RGL1: variants seen among roughly 807,000 people sequenced by gnomAD.
The protein encoded by RGL1 is ral guanine nucleotide dissociation stimulator like 1.
RGL1 carries 24 observed loss-of-function variants against 95.2 expected under a neutral mutation model. The ratio of observed to expected loss-of-function variants is 0.25; its 90% CI spans 0.18 to 0.35. RGL1 has a LOEUF of 0.35. Ranked by LOEUF, RGL1 falls within the 10% of genes least tolerant of loss-of-function variation. The pLI is 1.00. For synonymous variants in RGL1, 329 were observed against 344.9 expected (o/e 0.95, Z 0.51); for missense variants, 715 against 936.3 (o/e 0.76, Z 3.08).
At chr1:183,728,398 T>C (rs1656431408) in intron 1 of RGL1, among the ~76,000 whole-genome samples, 1 of 152,134 alleles carries the variant, frequency 6.6e-6, no homozygotes, top group South Asian at 2.1e-4. Context: ...TATATACATA[T>C]ATAGTTGGTT....
chr1:183,918,122 G>A (rs1669095174), intron 16 of RGL1, among the ~76,000 whole-genome samples: 3 of 152,194 alleles, frequency 2.0e-5, no homozygotes, highest in African/African-American at 7.2e-5. Context: ...TGTGAGATAT[G>A]AACTACCAGA....
At position 183,658,275 on chromosome 1, in the gene RGL1, G is replaced by A. The variant is rs911423813; in HGVS notation, c.-33+21774G>A. On this transcript the variant is annotated intron_variant, in intron 1 of 18. Transcript: ENST00000304685. The stretch of plus-strand genomic sequence containing the variant: ...CGAGGCATTGCCTCACTCGGGAAGC[G>A]CAAGGGGTCAGGGAGTTCCCTTTCC... 5.9e-5 allele frequency among the ~76,000 whole-genome samples: 9 copies of A among 152,212 alleles called. No homozygotes were observed. The East Asian group carries it at 7.7e-4, about 13-fold the overall frequency.
At chr1:183,744,211 C>A (rs1437039406) in intron 2 of RGL1, among the ~76,000 whole-genome samples, 6 of 152,140 alleles carry the variant, frequency 3.9e-5, no homozygotes, top group Admixed American at 1.3e-4. Context: ...CACATTATGA[C>A]AATTCCAATC....
At chr1:183,878,180 C>CTATT (rs1239009895) in intron 4 of RGL1, among the ~76,000 whole-genome samples, 3 of 151,926 alleles carry the variant, frequency 2.0e-5, no homozygotes, top group African/African-American at 4.8e-5. Context: ...ATCTATCTAT[C>CTATT]TATCTATCTA....
chr1:183,746,390 G>A (rs2182594), intron 2 of RGL1, among the ~76,000 whole-genome samples: 69,208 of 151,602 alleles, frequency 0.46, 16,889 homozygotes, highest in East Asian at 0.8. Context: ...ATATTTATAT[G>A]TATGGTGTCT....
chr1:183,665,505 C>T (rs191324013), intron 1 of RGL1, among the ~76,000 whole-genome samples: 47 of 152,272 alleles, frequency 3.1e-4, no homozygotes, highest in African/African-American at 1.1e-3. Context: ...GTGAACCTAT[C>T]TGTGCCTGGT....
At chr1:183,877,061 AG>A (rs916731215) in intron 4 of RGL1, among the ~76,000 whole-genome samples, 1 of 152,158 alleles carries the variant, frequency 6.6e-6, no homozygotes, top group African/African-American at 2.4e-5. Flanking sequence ...TTCCCCAGAG[AG>A]GGGGGTCAGT....
chr1:183,861,169 A>G (rs1303165539), intron 3 of RGL1, among the ~76,000 whole-genome samples: 1 of 152,182 alleles, frequency 6.6e-6, no homozygotes, highest in Non-Finnish European at 1.5e-5. Context: ...AGTACCTGGC[A>G]TATAGTAAGT....
chr1:183,813,909 C>T (rs1661898321), intron 2 of RGL1, among the ~76,000 whole-genome samples: 1 of 152,170 alleles, frequency 6.6e-6, no homozygotes, highest in African/African-American at 2.4e-5. Flanking sequence ...CACACACAGC[C>T]TATATATTAA....
intron 1 of RGL1, among the ~76,000 whole-genome samples, chr1:183,701,758 G>T (rs1654609305): frequency 6.6e-6 from 1 of 152,018 alleles, no homozygotes; most frequent in African/African-American, 2.4e-5. Context: ...CCAATGTGGT[G>T]AAACCCCATC....
intron 15 of RGL1, among the ~76,000 whole-genome samples, chr1:183,913,807 A>G (rs1258519021): frequency 6.6e-6 from 1 of 152,268 alleles, no homozygotes; most frequent in East Asian, 1.9e-4. Flanking sequence ...ATCCAGGAAA[A>G]GCATCATATT....
chr1:183,861,909 A>G (rs1665532605), intron 3 of RGL1, among the ~76,000 whole-genome samples: 1 of 152,248 alleles, frequency 6.6e-6, no homozygotes, highest in African/African-American at 2.4e-5. Context: ...GAGAGGGTCC[A>G]GGAAAACATC....
chr1:183,899,315 C>T lies in RGL1; in HGVS notation c.1231-835C>T, dbSNP rs112483593. On this transcript the variant is annotated intron_variant, in intron 10 of 17. Coordinates refer to ENST00000360851, the MANE Select transcript of RGL1 (RefSeq NM_001297671.3). ...TTCTTATCTGTTCCAGGACCCAATC[C>T]GGCATACCAACTGCATTTTGTTGTC... is the stretch of plus-strand genomic sequence containing the variant. Among the ~76,000 whole-genome samples the T allele has an allele frequency of 2.0e-3, 309 of 152,308 alleles. 3 individuals are homozygous for T. Among genetic ancestry groups the T allele is most frequent in the African/African-American group, 6.9e-3 (288 of 41,562 alleles).
intron 2 of RGL1, chr1:183,755,060 T>C (rs990165919): frequency 7.2e-5 from 11 of 152,128 alleles, no homozygotes. Flanking sequence ...TTTAGTCCAC[T>C]GTACTGCTGG....
At chr1:183,678,218 G>A (rs969723522) in intron 1 of RGL1, among the ~76,000 whole-genome samples, 1 of 152,060 alleles carries the variant, frequency 6.6e-6, no homozygotes, top group African/African-American at 2.4e-5. Flanking sequence ...TAACCTCCTA[G>A]GCAATGAAAC....
intron 2 of RGL1, among the ~76,000 whole-genome samples, chr1:183,806,857 C>T (rs1321704970): frequency 6.6e-6 from 1 of 152,086 alleles, no homozygotes; most frequent in East Asian, 1.9e-4. Context: ...TCTGCCCTCC[C>T]CCAATTGATG....
chr1:183,753,870 C>T (rs1658176349), intron 2 of RGL1, among the ~76,000 whole-genome samples: 1 of 151,802 alleles, frequency 6.6e-6, no homozygotes, highest in Admixed American at 6.6e-5. Context: ...CTGTGGGTCT[C>T]AGTGTACTAT....
intron 1 of RGL1, among the ~76,000 whole-genome samples, chr1:183,700,257 A>G (rs1654508237): frequency 6.6e-6 from 1 of 152,188 alleles, no homozygotes; most frequent in African/African-American, 2.4e-5. Flanking sequence ...GGCTGATGAT[A>G]GTAGCTTTGT....
chr1:183,763,741 A>G (rs899556003), intron 2 of RGL1, among the ~76,000 whole-genome samples: 1 of 152,244 alleles, frequency 6.6e-6, no homozygotes, highest in Admixed American at 6.5e-5. Context: ...TTGAGTTATA[A>G]TATGTAAATT....
Sources: allele counts gnomAD v4.1 joint callset (sites outside exome capture counted in the v4.1 genomes callset), GRCh38; gene constraint gnomAD v4.1.1; transcripts MANE v1.5; gene names NCBI Gene and HGNC (gene_info 2026-07-23, HGNC 2026-07-21).